Variants in TNFAIP8 observed in about 807,000 individuals in gnomAD.
TNFAIP8 encodes TNF alpha induced protein 8.
A neutral mutation model predicts 13.3 loss-of-function variants in TNFAIP8; 7 were observed. The ratio of observed to expected loss-of-function variants is 0.52; its 90% confidence interval spans 0.30 to 0.99. The LOEUF (loss-of-function observed/expected upper bound fraction) is 0.99. Among genes scored for constraint, TNFAIP8 ranks in the 50% least tolerant of loss-of-function variants. TNFAIP8 has a pLI of 0.07. For missense variants in TNFAIP8, 258 were observed against 236.9 expected (o/e 1.09, Z -0.58); for synonymous variants, 94 against 87.6 (o/e 1.07, Z -0.41).
At chr5:119,301,243 T>A (rs899812117) in intron 1 of TNFAIP8, among the ~76,000 whole-genome samples, 7 of 152,192 alleles carry the variant, frequency 4.6e-5, no homozygotes, top group African/African-American at 7.2e-5. Flanking sequence ...CATGCTGTTT[T>A]TCTATCCTCC....
chr5:119,328,996 C>T (rs900894745), intron 1 of TNFAIP8, among the ~76,000 whole-genome samples: 37 of 152,320 alleles, frequency 2.4e-4, no homozygotes, highest in Admixed American at 2.0e-3. Context: ...TTAGTGTTTT[C>T]ATTGGTGCTG....
At chr5:119,333,234 A>T in intron 1 of TNFAIP8, 1 of 1,025,666 alleles carries the variant, frequency 9.7e-7, no homozygotes, top group South Asian at 4.6e-5. Context: ...ATGTAGTTGT[A>T]GTTTACAGGG....
At chr5:119,282,584 G>A (rs1360835039) in intron 1 of TNFAIP8, among the ~76,000 whole-genome samples, 5 of 152,220 alleles carry the variant, frequency 3.3e-5, no homozygotes, top group Admixed American at 6.5e-5. Flanking sequence ...CGCACAGAGT[G>A]TCTGACTCCA....
intron 1 of TNFAIP8, among the ~76,000 whole-genome samples, chr5:119,373,439 C>T (rs1402738109): frequency 5.3e-5 from 8 of 152,146 alleles, no homozygotes; most frequent in Non-Finnish European, 1.2e-4. Context: ...AGGCATACAA[C>T]GGGAAAGTGA....
chr5:119,272,875 A>C (rs1457118293), intron 1 of TNFAIP8, among the ~76,000 whole-genome samples: 2 of 152,174 alleles, frequency 1.3e-5, no homozygotes, highest in Admixed American at 6.5e-5. Flanking sequence ...TGTCAAGGTG[A>C]CGGGGGGCTA....
At chr5:119,379,656 T>A (rs1371080981) in intron 1 of TNFAIP8, among the ~76,000 whole-genome samples, 1 of 152,132 alleles carries the variant, frequency 6.6e-6, no homozygotes, top group African/African-American at 2.4e-5. Context: ...AGTGGCGTGA[T>A]CTGAGTTCAC....
At chr5:119,345,207 T>C (rs1022581540) in intron 1 of TNFAIP8, among the ~76,000 whole-genome samples, 5 of 152,226 alleles carry the variant, frequency 3.3e-5, no homozygotes, top group African/African-American at 1.2e-4. Context: ...ATGGAATGTA[T>C]GTACCTGTTG....
rs116236733 is a variant in TNFAIP8 at position 119,362,757 on chromosome 5, A to G, written c.31+6636A>G. On this transcript the variant is annotated intron_variant, in intron 1 of 1. Coordinates refer to ENST00000504771, the MANE Select transcript of TNFAIP8 (RefSeq NM_014350.4). ...CAGTGAGCTATGGTCGTGCCATTGC[A>G]TTCCAGCCTGGGTGTCAGAGCAAGA... 7.7e-3 allele frequency among the ~76,000 whole-genome samples: 1,172 copies of G among 151,992 alleles called. 18 individuals carry two copies. The highest frequency in any genetic ancestry group is 0.027 in the African/African-American group (1,104 of 41,424).
chr5:119,317,424 A>T (rs2112682413), intron 1 of TNFAIP8, among the ~76,000 whole-genome samples: 1 of 152,006 alleles, frequency 6.6e-6, no homozygotes, highest in Non-Finnish European at 1.5e-5. Context: ...TGCTGTAGAG[A>T]CTTTTTATTC....
intron 1 of TNFAIP8, among the ~76,000 whole-genome samples, chr5:119,364,740 C>T (rs1751766595): frequency 1.3e-5 from 2 of 151,466 alleles, no homozygotes; most frequent in Non-Finnish European, 1.5e-5. Context: ...TACTATATAA[C>T]AGTATCACAC....
intron 1 of TNFAIP8, among the ~76,000 whole-genome samples, chr5:119,370,750 C>A (rs1752042467): frequency 6.6e-6 from 1 of 152,354 alleles, no homozygotes; most frequent in African/African-American, 2.4e-5. Context: ...ATTTCACATT[C>A]TTTACCCTCC....
chr5:119,278,834 A>G (rs760612550), intron 1 of TNFAIP8, among the ~76,000 whole-genome samples: 2 of 152,228 alleles, frequency 1.3e-5, no homozygotes, highest in Admixed American at 6.5e-5. Context: ...CATAATTACT[A>G]CTAGCAGTGA....
chr5:119,338,589 G>C (rs6862831), intron 1 of TNFAIP8, among the ~76,000 whole-genome samples: 15,932 of 152,220 alleles, frequency 0.1, 1,031 homozygotes, highest in African/African-American at 0.2. Context: ...TTGATCAGTT[G>C]TGCATCCTTG....
chr5:119,269,080 G>C (rs1319914104), intron 1 of TNFAIP8, among the ~76,000 whole-genome samples: 1 of 152,254 alleles, frequency 6.6e-6, no homozygotes, highest in Non-Finnish European at 1.5e-5. Flanking sequence ...GTGCGTACGA[G>C]TGTGTGCAGG....
At chr5:119,389,324 A>T (rs1752803733) in intron 1 of TNFAIP8, among the ~76,000 whole-genome samples, 1 of 152,210 alleles carries the variant, frequency 6.6e-6, no homozygotes, top group African/African-American at 2.4e-5. Context: ...AAATGAGTCC[A>T]GAAAAGAGGT....
chr5:119,338,123 C>A (rs2112720823), intron 1 of TNFAIP8, among the ~76,000 whole-genome samples: 1 of 151,478 alleles, frequency 6.6e-6, no homozygotes, highest in South Asian at 2.1e-4. Context: ...ACCTGACATC[C>A]TCATTCCTGG....
At chr5:119,372,322 CAAAA>C (rs67551765) in intron 1 of TNFAIP8, among the ~76,000 whole-genome samples, 2 of 112,136 alleles carry the variant, frequency 1.8e-5, no homozygotes, top group Admixed American at 9.7e-5. Flanking sequence ...GACCCTGTCT[CAAAA>C]AAAAAAAAAA....
At chr5:119,306,546 C>T (rs938391117) in intron 1 of TNFAIP8, 1 of 152,196 alleles carries the variant, frequency 6.6e-6, no homozygotes, top group African/African-American at 2.4e-5. Flanking sequence ...GATCGTCATA[C>T]AGCCCAGAAC....
rs186411986 is a variant in TNFAIP8, at chr5:119,280,346, A to T, written c.1+11439A>T. 3.2e-4 allele frequency among the ~76,000 whole-genome samples: 48 copies of T among 150,462 alleles called. No homozygotes were observed. In the East Asian group the frequency reaches 8.8e-3, roughly 27 times the overall value. On this transcript the variant is annotated intron_variant, in intron 1 of 1. Coordinates refer to the TNFAIP8 transcript ENST00000274456. ...TCTTACCCATTAAAAAAAAAAAAAG[A>T]TGTTTAAGTCTCTTTTAATCTACAG...
Sources: gnomAD v4.1 joint callset for allele counts (sites outside exome capture counted in the v4.1 genomes callset) on GRCh38, gnomAD v4.1.1 for gene constraint, MANE v1.5 for transcripts, NCBI Gene and HGNC (gene_info 2026-07-23, HGNC 2026-07-21) for gene names.